Variants in DYNLRB2 observed in about 807,000 individuals in gnomAD.
DYNLRB2 encodes the protein dynein light chain roadblock-type 2.
DYNLRB2 carries 14 observed loss-of-function variants against 12.6 expected under a neutral mutation model. That is an observed-to-expected ratio of 1.11 (90% CI 0.73 to 1.73). DYNLRB2 has a LOEUF of 1.73. Among genes scored for constraint, DYNLRB2 ranks in the 40% most tolerant of loss-of-function variants. The pLI is 0.00. For missense variants in DYNLRB2, 142 were observed against 117.7 expected (o/e 1.21, Z -0.95); for synonymous variants, 53 against 37.0 (o/e 1.43, Z -1.57).
At chr16:80,542,381 T>G (rs1904295733) in intron 1 of DYNLRB2, among the ~76,000 whole-genome samples, 1 of 152,180 alleles carries the variant, frequency 6.6e-6, no homozygotes, top group African/African-American at 2.4e-5. Flanking sequence ...TTGGCTCTGA[T>G]GCTGAAATAG....
At chr16:80,546,903 C>G (rs1280040098) in intron 2 of DYNLRB2, among the ~76,000 whole-genome samples, 1 of 152,164 alleles carries the variant, frequency 6.6e-6, no homozygotes, top group African/African-American at 2.4e-5. Flanking sequence ...TGCTGGCTTA[C>G]TAGGATCACA....
Position 80,541,049 on chromosome 16 carries a change from C to G in DYNLRB2, c.-28C>G, listed in dbSNP as rs1036101047. 2 of 1,607,354 alleles carry G rather than the reference C, an allele frequency of 1.2e-6. No homozygotes were observed. Among genetic ancestry groups the G allele is most frequent in the Non-Finnish European group, 8.5e-7 (1 of 1,176,232 alleles). ...CATCCCGGGAGGCTGTGCCGCCGGC[C>G]TGAGCCCAGAGTTTCGCGGCCTCCG... On this transcript the variant is annotated 5_prime_UTR_variant, in exon 1 of 4. Transcript: ENST00000305904.
At chr16:80,545,263 C>G (rs1904377919) in intron 2 of DYNLRB2, among the ~76,000 whole-genome samples, 1 of 152,128 alleles carries the variant, frequency 6.6e-6, no homozygotes, top group African/African-American at 2.4e-5. Flanking sequence ...TATGAGGATA[C>G]TCACTGAGGC....
At chr16:80,544,922 T>C (rs1567516885) in intron 2 of DYNLRB2, 1 of 152,252 alleles carries the variant, frequency 6.6e-6, no homozygotes, top group Non-Finnish European at 1.5e-5. Context: ...CCCCAGTTAT[T>C]GGATTAGGGC....
At position 80,541,042 on chromosome 16, in the gene DYNLRB2, C is replaced by G; in HGVS notation, c.-35C>G. 3 of 1,605,200 alleles carry G rather than the reference C, an allele frequency of 1.9e-6. No individual in the cohort carries two copies. Among genetic ancestry groups the G allele is most frequent in the East Asian group, 4.5e-5 (2 of 44,744 alleles). ...TTGTTGACATCCCGGGAGGCTGTGC[C>G]GCCGGCCTGAGCCCAGAGTTTCGCG... On this transcript the variant is annotated 5_prime_UTR_variant, in exon 1 of 4. Transcript: ENST00000305904.
chr16:80,544,829 A>G (rs375767015), intron 2 of DYNLRB2: 2 of 152,222 alleles, frequency 1.3e-5, no homozygotes, highest in African/African-American at 2.4e-5. Context: ...TCCTTGGCCT[A>G]TAGACACATC....
chr16:80,546,926 G>T (rs1464810840), intron 2 of DYNLRB2, among the ~76,000 whole-genome samples: 1 of 152,202 alleles, frequency 6.6e-6, no homozygotes, highest in African/African-American at 2.4e-5. Flanking sequence ...GAGTCATATT[G>T]TAAAGTAGTG....
At chr16:80,543,770 G>T (rs1430470911) in intron 2 of DYNLRB2, among the ~76,000 whole-genome samples, 4 of 152,138 alleles carry the variant, frequency 2.6e-5, no homozygotes, top group Admixed American at 2.6e-4. Flanking sequence ...CTTGTTCCTT[G>T]AACATATTTT....
At chr16:80,550,411 G>A (rs1476135930) in intron 3 of DYNLRB2, 104 bp from the exon 4 acceptor site, 88 of 1,371,306 alleles carry the variant, frequency 6.4e-5, no homozygotes, top group South Asian at 2.8e-4. Flanking sequence ...CCATCTGTCT[G>A]CACAAGGTCC....
chr16:80,541,928 A>G (rs1321643820), intron 1 of DYNLRB2, among the ~76,000 whole-genome samples: 1 of 152,224 alleles, frequency 6.6e-6, no homozygotes, highest in Non-Finnish European at 1.5e-5. Context: ...ATTCGTTGCT[A>G]CATAAGATGG....
chr16:80,544,686 C>T (rs753475410), intron 2 of DYNLRB2: 1 of 152,162 alleles, frequency 6.6e-6, no homozygotes, highest in African/African-American at 2.4e-5. Context: ...ACAACAGAAA[C>T]GTATTCTCTT....
chr16:80,541,973 G>A (rs1008766250), intron 1 of DYNLRB2, among the ~76,000 whole-genome samples: 6 of 152,162 alleles, frequency 3.9e-5, no homozygotes, highest in Non-Finnish European at 7.4e-5. Context: ...ATCACATCGT[G>A]AGAAAGTTAT....
chr16:80,541,097 G>C lies in DYNLRB2; in HGVS notation c.3+18G>C, dbSNP rs1345120640. 6.3e-6 allele frequency: 10 copies of C among 1,599,380 alleles called. No individual in the cohort carries two copies. The highest frequency in any genetic ancestry group is 2.3e-5 in the East Asian group (1 of 44,396). On this transcript the variant is annotated intron_variant, in intron 1 of 3. Transcript: ENST00000305904. ...CCGCGATGGTAAATCTGGGGTCTCC[G>C]TCCACGCCCCGCCGTTCCAAGCACG...
chr16:80,543,489 C>T (rs1422251806), intron 2 of DYNLRB2, 138 bp downstream of exon 2: 2 of 778,202 alleles, frequency 2.6e-6, no homozygotes, highest in Non-Finnish European at 4.1e-6. Context: ...CATTCACTTA[C>T]CAAACATCTA....
At chr16:80,545,621 C>G (rs12597602) in intron 2 of DYNLRB2, among the ~76,000 whole-genome samples, 88,686 of 146,656 alleles carry the variant, frequency 0.6, 29,823 homozygotes, top group East Asian at 0.83. Flanking sequence ...TAACACTTCT[C>G]TTATCCGAAG....
In DYNLRB2 at chr16:80,541,006, GGCGGGTA is replaced by G; in HGVS notation, c.-67_-61del. ...ACTTCCTTTTTTGTCTCCTAGCAAC[GGCGGGTA>G]GCGTTGTTGACATCCCGGGAGGCTG... is the stretch of plus-strand genomic sequence containing the variant. On this transcript the variant is annotated 5_prime_UTR_variant, in exon 1 of 4. Transcript: ENST00000305904. 2 of 1,578,284 alleles carry G rather than the reference GGCGGGTA, an allele frequency of 1.3e-6. No individual in the cohort carries two copies. Among genetic ancestry groups the G allele is most frequent in the Non-Finnish European group, 1.7e-6 (2 of 1,157,956 alleles).
chr16:80,549,336 G>A (rs997667599), intron 2 of DYNLRB2, 148 bp from the exon 3 acceptor site: 2 of 742,856 alleles, frequency 2.7e-6, no homozygotes, highest in African/African-American at 1.8e-5. Context: ...AGGATTTGAG[G>A]GAAATAAACT....
At chr16:80,541,423 C>T in intron 1 of DYNLRB2, 3 of 982,084 alleles carry the variant, frequency 3.1e-6, no homozygotes, top group Non-Finnish European at 3.6e-6. Context: ...GGCGGGAGGC[C>T]GAGATGGAGA....
chr16:80,547,697 G>A (rs984410192), intron 2 of DYNLRB2: 34 of 452,062 alleles, frequency 7.5e-5, no homozygotes, highest in African/African-American at 3.6e-4. Context: ...AAAACTGCTC[G>A]TCAAAAAGTT....
Sources: gnomAD v4.1 joint callset for allele counts (sites outside exome capture counted in the v4.1 genomes callset) on GRCh38, gnomAD v4.1.1 for gene constraint, MANE v1.5 for transcripts, NCBI Gene and HGNC (gene_info 2026-07-23, HGNC 2026-07-21) for gene names.